Variants in ERC1 observed in about 807,000 individuals in gnomAD.
The protein encoded by ERC1 is ELKS/RAB6-interacting/CAST family member 1.
Under a neutral mutation model 132.0 loss-of-function variants are expected in ERC1, and 56 were observed. That is an observed-to-expected ratio of 0.42 (90% CI 0.34 to 0.53). ERC1 has a LOEUF of 0.53. Ranked by LOEUF, ERC1 falls within the 20% of genes least tolerant of loss-of-function variation. The pLI is 0.03. For synonymous variants in ERC1, 478 were observed against 476.1 expected (o/e 1.00, Z -0.05); for missense variants, 1,202 against 1,349.9 (o/e 0.89, Z 1.72).
At chr12:1,276,394 T>G (rs779999848) in intron 14 of ERC1, among the ~76,000 whole-genome samples, 3 of 151,914 alleles carry the variant, frequency 2.0e-5, no homozygotes, top group African/African-American at 4.8e-5. Flanking sequence ...CCCGCCACCA[T>G]GCCCAGCTAA....
chr12:1,418,966 C>G (rs148968158), intron 17 of ERC1, among the ~76,000 whole-genome samples: 1 of 151,992 alleles, frequency 6.6e-6, no homozygotes, highest in East Asian at 1.9e-4. Context: ...CTCCCACCTA[C>G]GCCTCCCAAA....
chr12:1,481,919 G>C (rs2094100702), intron 18 of ERC1, among the ~76,000 whole-genome samples: 1 of 151,938 alleles, frequency 6.6e-6, no homozygotes. Flanking sequence ...TACTTAGTTC[G>C]GGTCTCCATG....
intron 7 of ERC1, among the ~76,000 whole-genome samples, chr12:1,118,908 T>TC (rs1414265324): frequency 6.6e-6 from 1 of 152,228 alleles, no homozygotes; most frequent in East Asian, 1.9e-4. Flanking sequence ...TCTTACTCTG[T>TC]CACCCAAGCT....
At chr12:1,129,884 A>G (rs189874362) in intron 7 of ERC1, among the ~76,000 whole-genome samples, 3 of 152,304 alleles carry the variant, frequency 2.0e-5, no homozygotes, top group Admixed American at 1.3e-4. Context: ...GGAGAAACTA[A>G]TCTAATATCA....
chr12:1,135,227 A>G (rs759204364), intron 7 of ERC1, among the ~76,000 whole-genome samples: 4 of 152,106 alleles, frequency 2.6e-5, no homozygotes, highest in Admixed American at 6.5e-5. Context: ...CTGTTACTGG[A>G]GGCATCTTCC....
intron 17 of ERC1, among the ~76,000 whole-genome samples, chr12:1,440,492 C>G (rs12303454): frequency 1.4e-5 from 2 of 143,912 alleles, no homozygotes; most frequent in African/African-American, 2.8e-5. Flanking sequence ...AGGTGTGAGC[C>G]ACCGCGCCCG....
intron 17 of ERC1, among the ~76,000 whole-genome samples, chr12:1,410,147 T>G (rs1404634884): frequency 1.3e-5 from 2 of 152,210 alleles, no homozygotes; most frequent in Admixed American, 6.5e-5. Flanking sequence ...TATATATATA[T>G]GTATGTATAT....
At chr12:1,344,248 A>G (rs1024366242) in intron 15 of ERC1, among the ~76,000 whole-genome samples, 2 of 152,040 alleles carry the variant, frequency 1.3e-5, no homozygotes, top group Non-Finnish European at 2.9e-5. Context: ...TCTGTCATTT[A>G]TTTACTTATT....
chr12:1,385,322 G>A (rs112421546), intron 16 of ERC1, among the ~76,000 whole-genome samples: 22,625 of 150,836 alleles, frequency 0.15, 3,246 homozygotes, highest in African/African-American at 0.38. Flanking sequence ...TCGCTCTGTC[G>A]CCCAGGCTGG....
chr12:1,178,099 A>C (rs1482103963), intron 8 of ERC1, among the ~76,000 whole-genome samples: 5 of 152,232 alleles, frequency 3.3e-5, no homozygotes, highest in Non-Finnish European at 7.3e-5. Context: ...GTGAAAATGT[A>C]AGCTTCAGCA....
chr12:1,353,262 C>T (rs1341838952), intron 15 of ERC1, among the ~76,000 whole-genome samples: 1 of 152,092 alleles, frequency 6.6e-6, no homozygotes, highest in Non-Finnish European at 1.5e-5. Context: ...GATCTCCTGA[C>T]CTCGTGATCC....
intron 12 of ERC1, among the ~76,000 whole-genome samples, chr12:1,228,012 A>G (rs369084280): frequency 6.6e-6 from 1 of 152,132 alleles, no homozygotes; most frequent in Admixed American, 6.5e-5. Context: ...ATTGGTATAG[A>G]TGTCTGTTTT....
chr12:1,041,840 T>G (rs922051340), intron 2 of ERC1, among the ~76,000 whole-genome samples: 1 of 152,210 alleles, frequency 6.6e-6, no homozygotes, highest in African/African-American at 2.4e-5. Context: ...GAGAGGTTCT[T>G]TGGGTGGGCT....
At chr12:1,405,146 T>TATAAATAAATAA (rs60222703) in intron 16 of ERC1, among the ~76,000 whole-genome samples, 10,568 of 142,088 alleles carry the variant, frequency 0.074, 600 homozygotes, top group African/African-American at 0.14. Context: ...GCTCAAAAAA[T>TATAAATAAATAA]ATAAATAAAT....
chr12:1,305,075 C>T (rs191053044), intron 15 of ERC1, among the ~76,000 whole-genome samples: 58 of 152,228 alleles, frequency 3.8e-4, no homozygotes, highest in Middle Eastern at 6.8e-3. Context: ...CCACTGCTCC[C>T]GGCCTGTTTG....
At chr12:1,128,365 G>C (rs1948419841) in intron 7 of ERC1, among the ~76,000 whole-genome samples, 1 of 152,146 alleles carries the variant, frequency 6.6e-6, no homozygotes, top group Admixed American at 6.5e-5. Flanking sequence ...GAGAGCAAAA[G>C]CTGAAGTAGC....
At chr12:1,362,006 T>C (rs2086170490) in intron 15 of ERC1, among the ~76,000 whole-genome samples, 2 of 152,208 alleles carry the variant, frequency 1.3e-5, no homozygotes, top group South Asian at 2.1e-4. Context: ...AGACCTTTTA[T>C]CTCCAAGTTG....
intron 15 of ERC1, among the ~76,000 whole-genome samples, chr12:1,311,538 C>T (rs1261538220): frequency 6.6e-6 from 1 of 152,144 alleles, no homozygotes; most frequent in African/African-American, 2.4e-5. Flanking sequence ...AACCTAAATA[C>T]ATAGTTGTCC....
chr12:1,433,292 C>A (rs969152899), intron 17 of ERC1, among the ~76,000 whole-genome samples: 2 of 152,192 alleles, frequency 1.3e-5, no homozygotes, highest in African/African-American at 4.8e-5. Flanking sequence ...GTTGTAATTG[C>A]TCCAAGAGAT....
Sources: gnomAD v4.1 joint callset for allele counts (sites outside exome capture counted in the v4.1 genomes callset) on GRCh38, gnomAD v4.1.1 for gene constraint, MANE v1.5 for transcripts, NCBI Gene and HGNC (gene_info 2026-07-23, HGNC 2026-07-21) for gene names.